RBFOX2: variants seen among roughly 807,000 people sequenced by gnomAD.
RBFOX2 encodes the protein RNA binding protein fox-1 homolog 2.
In RBFOX2, 10 loss-of-function variants were observed where a neutral mutation model predicts 49.1. The ratio of observed to expected loss-of-function variants is 0.20; its 90% CI spans 0.13 to 0.35. The LOEUF (loss-of-function observed/expected upper bound fraction) is 0.35, where lower values mean the gene tolerates loss of function less well. Ranked by LOEUF, RBFOX2 falls within the 10% of genes least tolerant of loss-of-function variation. The pLI, the probability that RBFOX2 is intolerant of heterozygous loss-of-function variation, is 1.00. For synonymous variants in RBFOX2, 183 were observed against 187.4 expected, an observed-to-expected ratio of 0.98 and a Z score of 0.19; for missense variants, 323 against 486.9, an observed-to-expected ratio of 0.66 and a Z score of 3.17.
At chr22:35,746,038 T>C (rs1241355392) in intron 10 of RBFOX2, 43 bp from the exon 13 acceptor site, 4 of 1,541,274 alleles carry the variant, frequency 2.6e-6, no homozygotes, top group Non-Finnish European at 3.6e-6. Flanking sequence ...GAAAAGTGTA[T>C]GATCTAAAAA....
chr22:35,838,521 A>G (rs1192808862), intron 1 of RBFOX2, among the ~76,000 whole-genome samples: 1 of 152,174 alleles, frequency 6.6e-6, no homozygotes, highest in South Asian at 2.1e-4. Flanking sequence ...CAGCATCCCC[A>G]GCGTCTGGCA....
chr22:35,792,889 A>G (rs1265918893), intron 2 of RBFOX2, among the ~76,000 whole-genome samples: 1 of 152,252 alleles, frequency 6.6e-6, no homozygotes, highest in South Asian at 2.1e-4. Context: ...ACTACAATCC[A>G]TGTTAGAACA....
chr22:36,016,483 A>C (rs1343978221), intron 1 of RBFOX2, among the ~76,000 whole-genome samples: 1 of 152,180 alleles, frequency 6.6e-6, no homozygotes, highest in Non-Finnish European at 1.5e-5. Flanking sequence ...AGAAAAAAAA[A>C]ATACATCAAC....
chr22:35,765,436 T>C (rs1322710241), exon 6 of RBFOX2: 9 of 1,518,006 alleles, frequency 5.9e-6, no homozygotes, highest in South Asian at 3.5e-5. Flanking sequence ...TTGCATATGG[T>C]GTGACCATCT....
chr22:35,741,258 A>G (rs1341335699), exon 12 of RBFOX2: 1 of 152,254 alleles, frequency 6.6e-6, no homozygotes, highest in African/African-American at 2.4e-5. Flanking sequence ...AGCTTCCAAG[A>G]GTACAGAAAG....
chr22:35,966,982 T>TA (rs2056599355), intron 1 of RBFOX2, among the ~76,000 whole-genome samples: 1 of 148,878 alleles, frequency 6.7e-6, no homozygotes. Context: ...GCAGTCAACT[T>TA]TAAAAAAAAA....
intron 1 of RBFOX2, among the ~76,000 whole-genome samples, chr22:35,909,404 A>G (rs1417263367): frequency 1.3e-5 from 2 of 152,174 alleles, no homozygotes; most frequent in Non-Finnish European, 2.9e-5. Flanking sequence ...AAAAAGAACA[A>G]CAGCAGTAAA....
At chr22:35,955,290 G>A (rs2055411877) in intron 1 of RBFOX2, among the ~76,000 whole-genome samples, 1 of 152,084 alleles carries the variant, frequency 6.6e-6, no homozygotes, top group Non-Finnish European at 1.5e-5. Flanking sequence ...TAACTACTGC[G>A]ATTTTCCTAT....
At chr22:35,760,314 A>T (rs945327514) in intron 8 of RBFOX2, among the ~76,000 whole-genome samples, 1 of 152,184 alleles carries the variant, frequency 6.6e-6, no homozygotes, top group Admixed American at 6.5e-5. Context: ...AGCTGCTGAG[A>T]AACAGGTCAA....
chr22:35,772,278 G>C (rs187666193), intron 4 of RBFOX2, among the ~76,000 whole-genome samples: 214 of 152,140 alleles, frequency 1.4e-3, no homozygotes, highest in Non-Finnish European at 1.4e-3. Flanking sequence ...ACTGCAGACA[G>C]AAATATAATA....
rs201463586 is a variant in RBFOX2, at chr22:35,764,099, T to TA, written c.607+1323dup. Among the ~76,000 whole-genome samples, 592 of 152,312 alleles carry TA rather than the reference T, an allele frequency of 3.9e-3. 2 individuals carry two copies. Among genetic ancestry groups the TA allele is most frequent in the Middle Eastern group, 0.027 (8 of 294 alleles). On this transcript the variant is annotated intron_variant, in intron 6 of 11. Transcript: ENST00000405409. ...TAAGAGGTAAAGTGGGAGGCAGTGG[T>TA]ATCATACCGATAAAAGGAGTAAGGA...
intron 9 of RBFOX2, chr22:35,752,664 G>C: frequency 2.0e-6 from 2 of 982,822 alleles, no homozygotes; most frequent in Non-Finnish European, 2.4e-6. Context: ...TTCTATAACA[G>C]AACACAGGAA....
upstream of RBFOX2, among the ~76,000 whole-genome samples, chr22:35,966,473 T>C (rs2056564342): frequency 6.6e-6 from 1 of 152,238 alleles, no homozygotes; most frequent in Non-Finnish European, 1.5e-5. Context: ...GGGTTCCAGA[T>C]GCTGAACGTC....
intron 2 of RBFOX2, among the ~76,000 whole-genome samples, chr22:35,786,817 T>C (rs1242630313): frequency 6.6e-6 from 1 of 152,190 alleles, no homozygotes; most frequent in African/African-American, 2.4e-5. Context: ...AGCAGCAGAC[T>C]AGGAATTCAA....
At chr22:35,742,528 T>A (rs1413364118) in exon 12 of RBFOX2, 2 of 152,614 alleles carry the variant, frequency 1.3e-5, no homozygotes, top group Non-Finnish European at 2.9e-5. Context: ...GCTCCATGTC[T>A]CTGAATTACT....
chr22:35,762,495 G>A (rs1325860747), intron 6 of RBFOX2, among the ~76,000 whole-genome samples: 1 of 149,354 alleles, frequency 6.7e-6, no homozygotes, highest in Non-Finnish European at 1.5e-5. Context: ...GGCCAGAATT[G>A]GCCTCCTCTT....
chr22:35,761,103 C>T (rs1938647639), intron 8 of RBFOX2, 99 bp downstream of exon 9: 1 of 1,021,972 alleles, frequency 9.8e-7, no homozygotes. Flanking sequence ...CAAGAAATTT[C>T]CATTTCAGTT....
At chr22:36,016,254 A>G (rs2059031190) in intron 1 of RBFOX2, among the ~76,000 whole-genome samples, 1 of 152,066 alleles carries the variant, frequency 6.6e-6, no homozygotes, top group South Asian at 2.1e-4. Flanking sequence ...CTCTGCCCAA[A>G]AGTATTCCAA....
At chr22:35,949,328 A>G (rs1360113874) in intron 1 of RBFOX2, among the ~76,000 whole-genome samples, 1 of 152,230 alleles carries the variant, frequency 6.6e-6, no homozygotes, top group Non-Finnish European at 1.5e-5. Flanking sequence ...ACTATTGTGA[A>G]TAAAGCTGCT....
Sources: allele counts gnomAD v4.1 joint callset (sites outside exome capture counted in the v4.1 genomes callset), GRCh38; gene constraint gnomAD v4.1.1; transcripts MANE v1.5; gene names NCBI Gene and HGNC (gene_info 2026-07-23, HGNC 2026-07-21).